CXCR4: variants seen among roughly 807,000 people sequenced by gnomAD.
The protein encoded by CXCR4 is C-X-C motif chemokine receptor 4.
In CXCR4, 6 loss-of-function variants were observed where a neutral mutation model predicts 22.4. The ratio of observed to expected loss-of-function variants is 0.27; its 90% CI spans 0.15 to 0.53. The LOEUF is 0.53. Ranked by LOEUF, CXCR4 falls within the 20% of genes least tolerant of loss-of-function variation. The pLI is 0.96. For missense variants in CXCR4, 300 were observed against 430.4 expected (o/e 0.70, Z 2.68); for synonymous variants, 155 against 171.7 (o/e 0.90, Z 0.76).
At chr2:136,117,791 G>A (rs1324138938) in intron 1 of CXCR4, 2 of 497,292 alleles carry the variant, frequency 4.0e-6, no homozygotes, top group Non-Finnish European at 7.1e-6. Context: ...GGACTCAAGG[G>A]GGAGACACAT....
chr2:136,117,927 C>T (rs1684963257), intron 1 of CXCR4, 119 bp downstream of exon 1: 3 of 682,768 alleles, frequency 4.4e-6, no homozygotes, highest in African/African-American at 3.8e-5. Context: ...TTCGGTGACC[C>T]TTTTTTGGAG....
chr2:136,116,204 C>T, intron 1 of CXCR4: 1 of 1,329,182 alleles, frequency 7.5e-7, no homozygotes, highest in Non-Finnish European at 9.7e-7. Flanking sequence ...CACATCTTGG[C>T]TAACTCCTCT....
At position 136,115,615 on chromosome 2, in the gene CXCR4, C is replaced by A. The variant is rs1313967515; in HGVS notation, c.313G>T (p.Gly105Trp). ...TGGACTGCCTTGCATAGGAAGTTCC[C>A]AAAGTACCAGTTTGCCACGGCATCA... ...AVDAVANWYF[G>W]NFLCKAVHVI... Residue 105 changes from glycine to tryptophan, a missense_variant, in exon 2 of 2, where the codon GGG becomes TGG. Physicochemically the swap from Gly to Trp is radical, Grantham distance 184 (BLOSUM62 -2). This residue lies in a region of CXCR4 where 118 missense variants were observed against 188.2 expected (regional missense o/e 0.63). Coordinates refer to ENST00000241393, the MANE Select transcript of CXCR4 (RefSeq NM_003467.3). The surrounding 1 kb of genome is among the most constrained non-coding windows in gnomAD (Gnocchi z 6.4). 6.2e-7 allele frequency: 1 copy of A among 1,614,006 alleles called. No homozygotes were observed. Among genetic ancestry groups the A allele is most frequent in the Non-Finnish European group, 8.5e-7 (1 of 1,180,040 alleles).
chr2:136,116,491 G>A (rs1684896082), intron 1 of CXCR4, among the ~76,000 whole-genome samples: 2 of 152,286 alleles, frequency 1.3e-5, no homozygotes, highest in South Asian at 4.1e-4. Context: ...TGGGCTTCAA[G>A]CAACTTGTAG....
In CXCR4 at chr2:136,114,773, A is replaced by G. The variant is rs1684834544; in HGVS notation, c.*96T>C. 9.0e-7 allele frequency: 1 copy of G among 1,107,266 alleles called. No individual in the cohort carries two copies. Among genetic ancestry groups the G allele is most frequent in the African/African-American group, 1.6e-5 (1 of 62,744 alleles). The allele number at this position is 1,107,266 out of a possible 1,614,324, so 68.6% of individuals were successfully genotyped here. A position where few individuals can be genotyped will look rare whatever the true frequency, so the allele number is the denominator to read the frequency against. ...CAAGACAAAAATCCAACAAGCAATA[A>G]AAACTGTACAATATTGGTCAGTCTT... On this transcript the variant is annotated 3_prime_UTR_variant, in exon 2 of 2. Transcript: ENST00000241393.
chr2:136,114,974 G>A lies in CXCR4; in HGVS notation c.954C>T (p.Thr318=), dbSNP rs1031960314. The A allele has an allele frequency of 6.2e-7, 1 of 1,614,038 alleles. No individual in the cohort carries two copies. Among genetic ancestry groups the A allele is most frequent in the Non-Finnish European group, 8.5e-7 (1 of 1,180,028 alleles). ...KFKTSAQHAL[T]SVSRGSSLKI... is the part of the protein sequence containing the mutation. ...TGAGGCTGGACCCTCTGCTCACAGA[G>A]GTGAGTGCGTGCTGGGCAGAGGTTT... The change falls in exon 2 of 2, where the codon ACC becomes ACT. Residue 318 remains threonine (T), a synonymous_variant. Coordinates refer to ENST00000241393, the MANE Select transcript of CXCR4 (RefSeq NM_003467.3).
rs1336550624 is a variant in CXCR4, at chr2:136,114,377, C to G, written c.*492G>C. ...GTTTAACATGTACTTTTATTAACAA[C>G]TTAATACAAGACTGTACACTGTAGG... On this transcript the variant is annotated 3_prime_UTR_variant, in exon 2 of 2. Transcript: ENST00000241393. 4.6e-6 allele frequency: 1 copy of G among 217,650 alleles called. No individual in the cohort carries two copies. The highest frequency in any genetic ancestry group is 6.9e-5 in the East Asian group (1 of 14,452). 13.5% of individuals were successfully genotyped at this position (217,650 alleles called of 1,614,324 possible). A position where few individuals can be genotyped will look rare whatever the true frequency, so the allele number is the denominator to read the frequency against.
chr2:136,117,937 G>C (rs549883215), intron 1 of CXCR4, 109 bp downstream of exon 1: 1 of 864,546 alleles, frequency 1.2e-6, no homozygotes. Context: ...CTTTTTTGGA[G>C]TACGGGTACC....
chr2:136,116,192 G>C, intron 1 of CXCR4: 1 of 1,343,810 alleles, frequency 7.4e-7, no homozygotes, highest in Non-Finnish European at 9.6e-7. Flanking sequence ...GGGTTTCAAA[G>C]TCACATCTTG....
At chr2:136,117,405 T>G (rs548763390) in intron 1 of CXCR4, 1 of 152,400 alleles carries the variant, frequency 6.6e-6, no homozygotes, top group South Asian at 2.0e-4. Context: ...TCCTAGCTGC[T>G]GCCACCACTC....
Position 136,115,808 on chromosome 2 carries a change from G to A in CXCR4, c.120C>T (p.Phe40=). 1 of 1,614,156 alleles carries A rather than the reference G, an allele frequency of 6.2e-7. No homozygotes were observed. Among genetic ancestry groups the A allele is most frequent in the Non-Finnish European group, 8.5e-7 (1 of 1,180,016 alleles). Residue 40 remains phenylalanine, a synonymous_variant, in exon 2 of 2, where the codon TTC becomes TTT. Coordinates refer to ENST00000241393, the MANE Select transcript of CXCR4 (RefSeq NM_003467.3). The surrounding 1 kb of genome is among the most constrained non-coding windows in gnomAD (Gnocchi z 6.4). ...AGATGATGGAGTAGATGGTGGGCAG[G>A]AAGATTTTATTGAAATTAGCATTTT... ...REENANFNKI[F]LPTIYSIIFL...
intron 1 of CXCR4, 36 bp downstream of exon 1, chr2:136,118,010 T>C (rs200912394): frequency 6.2e-7 from 1 of 1,609,960 alleles, no homozygotes; most frequent in East Asian, 2.2e-5. Context: ...CAAACGTTTG[T>C]ACATTTATGA....
In CXCR4 at chr2:136,114,349, T is replaced by G; in HGVS notation, c.*520A>C. The G allele has an allele frequency of 4.8e-6, 1 of 207,410 alleles. No homozygotes were observed. The highest frequency in any genetic ancestry group is 9.9e-6 in the Non-Finnish European group (1 of 101,396). The allele number at this position is 207,410 out of a possible 1,614,324, so 12.8% of individuals were successfully genotyped here. On this transcript the variant is annotated 3_prime_UTR_variant, in exon 2 of 2. Coordinates refer to ENST00000241393, the MANE Select transcript of CXCR4 (RefSeq NM_003467.3). Reference sequence around the variant, plus strand: ...ACAGAAATCAGAACATAACACTAAGTAAGTTTAACATGTACTTTTATTAAC... The same window carrying G: ...ACAGAAATCAGAACATAACACTAAGGAAGTTTAACATGTACTTTTATTAAC...
chr2:136,116,387 G>T lies in CXCR4; in HGVS notation c.16-475C>A, dbSNP rs564357587. On this transcript the variant is annotated intron_variant, in intron 1 of 1. Transcript: ENST00000241393. ...CAGGGAGGGAAGAGGGGAGAAGGGA[G>T]GATCACGGGGGGAGGGCGGGGGCGT... 186 of 243,686 alleles carry T rather than the reference G, an allele frequency of 7.6e-4. 1 individual carries two copies. The highest frequency in any genetic ancestry group is 3.7e-3 in the African/African-American group (161 of 42,992). 15.1% of individuals were successfully genotyped at this position (243,686 alleles called of 1,614,324 possible). A position where few individuals can be genotyped will look rare whatever the true frequency, so the allele number is the denominator to read the frequency against.
rs972121357 is a variant in CXCR4 at position 136,114,704 on chromosome 2, T to G, written c.*165A>C. 62 of 628,110 alleles carry G rather than the reference T, an allele frequency of 9.9e-5. No homozygotes were observed. Among genetic ancestry groups the G allele is most frequent in the Non-Finnish European group, 2.6e-5 (10 of 386,424 alleles). The allele number at this position is 628,110 out of a possible 1,614,324, so 38.9% of individuals were successfully genotyped here. On this transcript the variant is annotated 3_prime_UTR_variant, in exon 2 of 2. Coordinates refer to ENST00000241393, the MANE Select transcript of CXCR4 (RefSeq NM_003467.3). ...CACATCAATATGAAACAAAAAAAAT[T>G]TATATAAATAAGTCAATTAAACTTC...
intron 1 of CXCR4, among the ~76,000 whole-genome samples, chr2:136,117,175 C>T (rs1045254704): frequency 2.0e-5 from 3 of 152,284 alleles, no homozygotes; most frequent in Admixed American, 6.5e-5. Flanking sequence ...CGGTCTTAAC[C>T]GCCCCCGCCC....
intron 1 of CXCR4, chr2:136,117,490 A>T (rs1684936457): frequency 6.5e-6 from 1 of 153,922 alleles, no homozygotes; most frequent in East Asian, 1.9e-4. Context: ...GGAGACTGGC[A>T]CAGCTCCGTC....
intron 1 of CXCR4, among the ~76,000 whole-genome samples, chr2:136,116,421 C>T (rs958414960): frequency 6.6e-6 from 1 of 152,050 alleles, no homozygotes; most frequent in African/African-American, 2.4e-5. Flanking sequence ...GTTGCAAAGA[C>T]TCATTCTCCT....
At chr2:136,116,302 G>C (rs1257887636) in intron 1 of CXCR4, 2 of 1,049,332 alleles carry the variant, frequency 1.9e-6, no homozygotes, top group South Asian at 4.6e-5. Flanking sequence ...GCGGCGTGGG[G>C]GGTGGGGTGG....
Sources: gnomAD v4.1 joint callset for allele counts (sites outside exome capture counted in the v4.1 genomes callset) on GRCh38, gnomAD v4.1.1 for gene constraint, gnomAD v4.1.1 regional missense constraint, Gnocchi (gnomAD v3.1) non-coding constraint, MANE v1.5 for transcripts, NCBI Gene and HGNC (gene_info 2026-07-23, HGNC 2026-07-21) for gene names.